The following NMNAT2 variants were observed in gnomAD, a reference collection of about 807,000 sequenced individuals.
NMNAT2 encodes nicotinamide/nicotinic acid mononucleotide adenylyltransferase 2.
Under a neutral mutation model 41.6 loss-of-function variants are expected in NMNAT2, and 11 were observed. That is an observed-to-expected ratio of 0.26 (90% CI 0.17 to 0.44). The LOEUF (loss-of-function observed/expected upper bound fraction) is 0.44, where lower values mean the gene tolerates loss of function less well. Among genes scored for constraint, NMNAT2 ranks in the 20% least tolerant of loss-of-function variants. The probability of loss-of-function intolerance (pLI) is 1.00; values close to 1 mark genes in which losing one functional copy is unlikely to be tolerated. For missense variants in NMNAT2, 288 were observed against 407.7 expected (o/e 0.71, Z 2.53); for synonymous variants, 148 against 151.2 (o/e 0.98, Z 0.16).
chr1:183,370,018 C>A (rs1437940564), intron 1 of NMNAT2, among the ~76,000 whole-genome samples: 1 of 152,130 alleles, frequency 6.6e-6, no homozygotes, highest in East Asian at 1.9e-4. Context: ...CTAAAGAGAA[C>A]AGAGGACCCT....
chr1:183,387,283 C>T (rs1189516099), intron 1 of NMNAT2, among the ~76,000 whole-genome samples: 2 of 150,580 alleles, frequency 1.3e-5, no homozygotes, highest in Non-Finnish European at 3.0e-5. Flanking sequence ...ATTAATGACC[C>T]TTGATTTGGA....
chr1:183,400,346 C>T (rs969399323), intron 1 of NMNAT2, among the ~76,000 whole-genome samples: 3 of 152,128 alleles, frequency 2.0e-5, no homozygotes, highest in Non-Finnish European at 4.4e-5. Context: ...CCTAGGAATC[C>T]AACTTACAAG....
At chr1:183,270,353 C>T (rs1042140177) in intron 8 of NMNAT2, among the ~76,000 whole-genome samples, 2 of 152,056 alleles carry the variant, frequency 1.3e-5, no homozygotes, top group Non-Finnish European at 2.9e-5. Flanking sequence ...AAAGAGAGAA[C>T]TTGTGACAAA....
intron 1 of NMNAT2, among the ~76,000 whole-genome samples, chr1:183,366,246 C>T (rs1663407417): frequency 6.6e-6 from 1 of 152,210 alleles, no homozygotes; most frequent in South Asian, 2.1e-4. Flanking sequence ...TGGGCTGTTA[C>T]AAGCTATACA....
intron 1 of NMNAT2, among the ~76,000 whole-genome samples, chr1:183,348,244 C>A (rs1662974347): frequency 6.6e-6 from 1 of 152,066 alleles, no homozygotes; most frequent in Admixed American, 6.5e-5. Flanking sequence ...CTTGAATAAG[C>A]AACATGGCTT....
chr1:183,392,121 A>AT (rs1648500176), intron 1 of NMNAT2, among the ~76,000 whole-genome samples: 1 of 152,142 alleles, frequency 6.6e-6, no homozygotes, highest in Non-Finnish European at 1.5e-5. Context: ...ATGCTTACTC[A>AT]ACATCTCCAC....
chr1:183,280,775 ATTTTTTTTTTT>A (rs138238837), intron 7 of NMNAT2, among the ~76,000 whole-genome samples: 2 of 60,978 alleles, frequency 3.3e-5, no homozygotes, highest in South Asian at 1.7e-3. Context: ...GTGTTAGTGT[ATTTTTTTTTTT>A]TTTTTTTTTT....
chr1:183,269,944 C>T (rs897595051), intron 8 of NMNAT2, among the ~76,000 whole-genome samples: 4 of 152,072 alleles, frequency 2.6e-5, no homozygotes, highest in Non-Finnish European at 4.4e-5. Context: ...AGTGCAGTGG[C>T]GCCATCTCAG....
At position 183,292,937 on chromosome 1, in the gene NMNAT2, A is replaced by G. The variant is rs564730738; in HGVS notation, c.175-80T>C. The stretch of plus-strand genomic sequence containing the variant: ...TTGGGATACCAGCCCAAGCCCACCC[A>G]TTGTTAAAGTGCAGCCATTTTTCAG... On this transcript the variant is annotated intron_variant, in intron 2 of 10. Coordinates refer to ENST00000287713, the MANE Select transcript of NMNAT2 (RefSeq NM_015039.4). The G allele has an allele frequency of 6.8e-6, 9 of 1,327,792 alleles. No homozygotes were observed. In the African/African-American group the frequency reaches 1.0e-4, roughly 15 times the overall value. 82.3% of individuals were successfully genotyped at this position (1,327,792 alleles called of 1,614,324 possible). A position where few individuals can be genotyped will look rare whatever the true frequency, so the allele number is the denominator to read the frequency against.
intron 8 of NMNAT2, among the ~76,000 whole-genome samples, chr1:183,278,079 C>T (rs533712259): frequency 7.2e-5 from 11 of 152,318 alleles, no homozygotes; most frequent in African/African-American, 2.6e-4. Context: ...CTGGTTCCCT[C>T]AATGCCAAGT....
intron 1 of NMNAT2, among the ~76,000 whole-genome samples, chr1:183,417,189 G>C (rs1174132373): frequency 2.0e-5 from 3 of 152,148 alleles, no homozygotes; most frequent in Non-Finnish European, 2.9e-5. Context: ...TCCCACCGGT[G>C]GCGCGAGACC....
At chr1:183,305,793 T>C (rs1042115511) in intron 1 of NMNAT2, among the ~76,000 whole-genome samples, 1 of 144,974 alleles carries the variant, frequency 6.9e-6, no homozygotes, top group African/African-American at 2.5e-5. Flanking sequence ...TGAACTCAGC[T>C]CACTGCAACC....
intron 8 of NMNAT2, among the ~76,000 whole-genome samples, chr1:183,263,222 G>A (rs1359334807): frequency 6.6e-6 from 1 of 152,212 alleles, no homozygotes; most frequent in African/African-American, 2.4e-5. Flanking sequence ...AAAGCTAGGT[G>A]TAGAATATTA....
At chr1:183,386,529 A>C (rs7529886) in intron 1 of NMNAT2, among the ~76,000 whole-genome samples, 37,715 of 152,130 alleles carry the variant, frequency 0.25, 4,682 homozygotes, top group South Asian at 0.29. Flanking sequence ...AAACATAATA[A>C]TTATTTTTGG....
chr1:183,261,711 C>T (rs1660661614), intron 8 of NMNAT2, among the ~76,000 whole-genome samples: 1 of 152,150 alleles, frequency 6.6e-6, no homozygotes, highest in African/African-American at 2.4e-5. Flanking sequence ...CATTTGAGCC[C>T]TCAGATGGAC....
chr1:183,414,299 G>C (rs1649199021), intron 1 of NMNAT2, among the ~76,000 whole-genome samples: 1 of 152,174 alleles, frequency 6.6e-6, no homozygotes, highest in African/African-American at 2.4e-5. Flanking sequence ...AAAATAGCTA[G>C]AAATATTTCT....
intron 1 of NMNAT2, among the ~76,000 whole-genome samples, chr1:183,363,335 T>C (rs976313562): frequency 1.3e-5 from 2 of 152,232 alleles, no homozygotes; most frequent in African/African-American, 2.4e-5. Flanking sequence ...ATCTCTCTTA[T>C]AGGGCTATTG....
chr1:183,284,697 C>A lies in NMNAT2; in HGVS notation c.529+13G>T, dbSNP rs1661355451. ...AGAGACAGGACTGGGAATCAAGTTC[C>A]TTGGTTCCTCACCTACAAAGGTGAA... is the stretch of plus-strand genomic sequence containing the variant. On this transcript the variant is annotated intron_variant, in intron 6 of 10. Transcript: ENST00000287713. The A allele has an allele frequency of 3.1e-6, 5 of 1,611,188 alleles. No individual in the cohort carries two copies. In the East Asian group the frequency reaches 1.1e-4, roughly 36 times the overall value.
intron 1 of NMNAT2, among the ~76,000 whole-genome samples, chr1:183,413,086 A>G (rs145605054): frequency 6.6e-6 from 1 of 152,312 alleles, no homozygotes; most frequent in African/African-American, 2.4e-5. Flanking sequence ...TAAATTTAAG[A>G]AAAAATAGCT....
Sources: gnomAD v4.1 joint callset for allele counts (sites outside exome capture counted in the v4.1 genomes callset) on GRCh38, gnomAD v4.1.1 for gene constraint, MANE v1.5 for transcripts, NCBI Gene and HGNC (gene_info 2026-07-23, HGNC 2026-07-21) for gene names.